KCTD5: variants seen among roughly 807,000 people sequenced by gnomAD.
KCTD5 encodes the protein BTB/POZ domain-containing protein KCTD5.
KCTD5 carries 12 observed loss-of-function variants against 27.9 expected under a neutral mutation model. The ratio of observed to expected loss-of-function variants is 0.43; its 90% CI spans 0.28 to 0.70. The LOEUF is 0.70. Ranked by LOEUF, KCTD5 falls within the 30% of genes least tolerant of loss-of-function variation. The probability of loss-of-function intolerance (pLI) is 0.19; values close to 1 mark genes in which losing one functional copy is unlikely to be tolerated. For missense variants in KCTD5, 226 were observed against 274.8 expected (o/e 0.82, Z 1.26); for synonymous variants, 147 against 121.4 (o/e 1.21, Z -1.39).
intron 3 of KCTD5, 34 bp downstream of exon 3, chr16:2,698,031 G>A: frequency 6.6e-7 from 1 of 1,510,840 alleles, no homozygotes; most frequent in East Asian, 2.3e-5. Context: ...AAGCTTGTAT[G>A]GCTGGTGTGA....
intron 1 of KCTD5, among the ~76,000 whole-genome samples, chr16:2,687,403 G>A (rs770098354): frequency 1.3e-5 from 2 of 152,208 alleles, no homozygotes; most frequent in Admixed American, 6.5e-5. Flanking sequence ...GTCGCTGCAG[G>A]GCAGTTCCTC....
chr16:2,700,041 G>T (rs2067604130), intron 4 of KCTD5, 125 bp downstream of exon 4: 9 of 868,972 alleles, frequency 1.0e-5, no homozygotes, highest in Admixed American at 2.1e-5. Context: ...AGTTCTGGGG[G>T]TGCTCACGGC....
In KCTD5 at chr16:2,691,831, A is replaced by C. The variant is rs1301371349; in HGVS notation, c.253-4104A>C. ...TTCAAGTCTCTTCCTAACTGGATGC[A>C]CGTGGGGTCCCCCGCGGTGCCTCAG... On this transcript the variant is annotated intron_variant, in intron 1 of 5. Transcript: ENST00000301738. Among the ~76,000 whole-genome samples the C allele has an allele frequency of 2.0e-5, 3 of 152,202 alleles. No individual in the cohort carries two copies. The East Asian group carries it at 5.8e-4, about 29-fold the overall frequency.
Position 2,683,202 on chromosome 16 carries a change from A to G in KCTD5, c.252+402A>G, listed in dbSNP as rs140663856. The G allele has an allele frequency of 6.2e-3, 1,010 of 162,952 alleles. 12 individuals carry two copies. The highest frequency in any genetic ancestry group is 0.022 in the African/African-American group (929 of 41,918). 10.1% of individuals were successfully genotyped at this position (162,952 alleles called of 1,614,324 possible). A position where few individuals can be genotyped will look rare whatever the true frequency, so the allele number is the denominator to read the frequency against. Reference sequence around the variant, plus strand: ...TCCCAGGGTACTTGCTGGCTCTGGAAACAGAACCCTTGGCGTTGTTTCACA... The same window carrying G: ...TCCCAGGGTACTTGCTGGCTCTGGAGACAGAACCCTTGGCGTTGTTTCACA... On this transcript the variant is annotated intron_variant, in intron 1 of 5. Transcript: ENST00000301738.
intron 2 of KCTD5, among the ~76,000 whole-genome samples, chr16:2,697,685 A>G (rs28379781): frequency 0.016 from 2,497 of 152,312 alleles, 85 homozygotes; most frequent in African/African-American, 0.056. Context: ...CAGTCCACAC[A>G]TCGGCCCTCT....
At chr16:2,691,733 C>T (rs1266780347) in intron 1 of KCTD5, among the ~76,000 whole-genome samples, 1 of 152,164 alleles carries the variant, frequency 6.6e-6, no homozygotes, top group Non-Finnish European at 1.5e-5. Flanking sequence ...GCTCCTCTGC[C>T]CTGCAGCCTT....
chr16:2,693,626 C>T (rs1177936434), intron 1 of KCTD5, among the ~76,000 whole-genome samples: 2 of 152,242 alleles, frequency 1.3e-5, no homozygotes, highest in Non-Finnish European at 2.9e-5. Flanking sequence ...TCCCTCCTGC[C>T]TTCATCCTTC....
At position 2,708,315 on chromosome 16, in the gene KCTD5, C is replaced by T. The variant is rs1338193559; in HGVS notation, c.*988C>T. The T allele has an allele frequency of 1.3e-5, 2 of 152,708 alleles. No homozygotes were observed. Among genetic ancestry groups the T allele is most frequent in the Non-Finnish European group, 2.9e-5 (2 of 68,068 alleles). The allele number at this position is 152,708 out of a possible 1,614,324, so 9.5% of individuals were successfully genotyped here. ...TAACTATGCAGCCTTCCCTCTCTTTCTGGGATGTTTGGGACTTCACTCGAC... is the reference window on the plus strand; with the variant it reads ...TAACTATGCAGCCTTCCCTCTCTTTTTGGGATGTTTGGGACTTCACTCGAC... On this transcript the variant is annotated 3_prime_UTR_variant, in exon 6 of 6. Coordinates refer to ENST00000301738, the MANE Select transcript of KCTD5 (RefSeq NM_018992.4).
Position 2,699,925 on chromosome 16 carries a change from C to G in KCTD5, c.549+9C>G, listed in dbSNP as rs751088648. 1.9e-6 allele frequency: 3 copies of G among 1,612,256 alleles called. No individual in the cohort carries two copies. The South Asian group carries it at 3.3e-5, about 18-fold the overall frequency. ...GCTGGAAGTTCGAGCAGGTGAGGGG[C>G]CCTGGCCAGCCTGGTGGCAGCCATG... On this transcript the variant is annotated intron_variant, in intron 4 of 5. Transcript: ENST00000301738.
intron 1 of KCTD5, among the ~76,000 whole-genome samples, chr16:2,687,782 C>A (rs1443731817): frequency 1.3e-5 from 2 of 152,156 alleles, no homozygotes; most frequent in Non-Finnish European, 2.9e-5. Flanking sequence ...CAGGCATGGT[C>A]TTTAAAGCCT....
intron 1 of KCTD5, among the ~76,000 whole-genome samples, chr16:2,687,339 C>T (rs1480629467): frequency 7.9e-5 from 12 of 152,304 alleles, no homozygotes; most frequent in Middle Eastern, 6.8e-3. Context: ...CATGGGCCCG[C>T]GGTCTTCGGC....
At chr16:2,691,872 A>G (rs943129154) in intron 1 of KCTD5, among the ~76,000 whole-genome samples, 6 of 152,120 alleles carry the variant, frequency 3.9e-5, no homozygotes, top group Non-Finnish European at 7.4e-5. Context: ...CCTGCCTTTG[A>G]TGGCTGGGTA....
chr16:2,692,892 G>A (rs1596222115), intron 1 of KCTD5, among the ~76,000 whole-genome samples: 2 of 152,262 alleles, frequency 1.3e-5, no homozygotes, highest in South Asian at 4.1e-4. Context: ...GCCTTTCTGG[G>A]CCCCCAAGAG....
At chr16:2,692,573 T>C (rs1021968977) in intron 1 of KCTD5, among the ~76,000 whole-genome samples, 3 of 152,204 alleles carry the variant, frequency 2.0e-5, no homozygotes, top group Admixed American at 6.5e-5. Flanking sequence ...AGGGCTCTTA[T>C]GGACCCAGAG....
At chr16:2,696,842 C>G (rs2335152) in intron 2 of KCTD5, among the ~76,000 whole-genome samples, 8,509 of 152,202 alleles carry the variant, frequency 0.056, 622 homozygotes, top group African/African-American at 0.19. Context: ...GAGCCATGAT[C>G]CCCACTCCTG....
intron 3 of KCTD5, 98 bp downstream of exon 3, chr16:2,698,095 G>A (rs1489698270): frequency 7.4e-6 from 6 of 809,974 alleles, no homozygotes; most frequent in East Asian, 2.6e-5. Flanking sequence ...TAAGTCCTGC[G>A]GTCTGGGGCT....
At chr16:2,691,510 T>C (rs1367252581) in intron 1 of KCTD5, among the ~76,000 whole-genome samples, 5 of 152,134 alleles carry the variant, frequency 3.3e-5, no homozygotes, top group Admixed American at 6.5e-5. Flanking sequence ...GGGAGAGGGC[T>C]GTGGGGGCAG....
chr16:2,703,343 G>A (rs1214718141), intron 5 of KCTD5, among the ~76,000 whole-genome samples: 1 of 152,116 alleles, frequency 6.6e-6, no homozygotes, highest in Non-Finnish European at 1.5e-5. Flanking sequence ...TGGGGTCTGC[G>A]TGGGTCTGGG....
intron 1 of KCTD5, among the ~76,000 whole-genome samples, chr16:2,691,294 C>T (rs894121659): frequency 6.6e-6 from 1 of 152,246 alleles, no homozygotes; most frequent in East Asian, 1.9e-4. Context: ...TTCCGCTCTG[C>T]CCAGACAGGG....
Sources: allele counts gnomAD v4.1 joint callset (sites outside exome capture counted in the v4.1 genomes callset), GRCh38; gene constraint gnomAD v4.1.1; transcripts MANE v1.5; gene names NCBI Gene and HGNC (gene_info 2026-07-23, HGNC 2026-07-21).